Variants in RANBP17 observed in about 807,000 individuals in gnomAD.
The protein encoded by RANBP17 is ran-binding protein 17.
Under a neutral mutation model 141.2 loss-of-function variants are expected in RANBP17, and 158 were observed. The observed-to-expected ratio is 1.12, with a 90% CI of 0.98 to 1.28. RANBP17 has a LOEUF of 1.28. Among genes scored for constraint, RANBP17 ranks in the 50% most tolerant of loss-of-function variants. RANBP17 has a pLI of 0.00. For missense variants in RANBP17, 1,438 were observed against 1,290.7 expected, an observed-to-expected ratio of 1.11 and a Z score of -1.75; for synonymous variants, 430 against 450.0, an observed-to-expected ratio of 0.96 and a Z score of 0.56.
chr5:170,932,695 A>T (rs886976726), intron 12 of RANBP17, among the ~76,000 whole-genome samples: 4 of 152,072 alleles, frequency 2.6e-5, no homozygotes, highest in African/African-American at 9.7e-5. Context: ...GGCTCTGTTT[A>T]TATGCTGGAT....
chr5:171,165,299 A>G (rs1759614553), intron 14 of RANBP17, among the ~76,000 whole-genome samples: 1 of 151,876 alleles, frequency 6.6e-6, no homozygotes, highest in Admixed American at 6.6e-5. Context: ...CTCCTGTCTC[A>G]GCCTCCCAAG....
chr5:171,261,888 CT>C (rs1289767390), intron 24 of RANBP17, among the ~76,000 whole-genome samples: 1 of 152,320 alleles, frequency 6.6e-6, no homozygotes, highest in East Asian at 1.9e-4. Context: ...ACCATTCATT[CT>C]GTTTTTGACC....
chr5:170,870,817 A>T (rs2127322017), intron 1 of RANBP17, among the ~76,000 whole-genome samples: 1 of 152,294 alleles, frequency 6.6e-6, no homozygotes, highest in South Asian at 2.1e-4. Flanking sequence ...CAATGGTTGA[A>T]CTAATTTACA....
At chr5:171,129,781 G>A (rs897370351) in intron 14 of RANBP17, among the ~76,000 whole-genome samples, 5 of 152,096 alleles carry the variant, frequency 3.3e-5, no homozygotes, top group Non-Finnish European at 7.4e-5. Context: ...CTTTGTCCTA[G>A]ACTGACCCAG....
chr5:171,065,058 A>T (rs1784219341), intron 14 of RANBP17, among the ~76,000 whole-genome samples: 1 of 151,808 alleles, frequency 6.6e-6, no homozygotes, highest in Non-Finnish European at 1.5e-5. Flanking sequence ...ATAGTTAGGA[A>T]CCCTTTCCTT....
chr5:170,869,722 C>T (rs1254827265), intron 1 of RANBP17, among the ~76,000 whole-genome samples: 1 of 152,156 alleles, frequency 6.6e-6, no homozygotes, highest in African/African-American at 2.4e-5. Context: ...TTAGGGCGCA[C>T]TGTAAATCCA....
Position 171,117,305 on chromosome 5 carries a change from A to C in RANBP17, c.1711-52825A>C, listed in dbSNP as rs897128551. ...TTCCCACCAACAGTATATAAACAGT[A>C]TTTTGTCCACATTCCCACCAGCATT... On this transcript the variant is annotated intron_variant, in intron 14 of 27. Coordinates refer to ENST00000523189, the MANE Select transcript of RANBP17 (RefSeq NM_022897.5). Among the ~76,000 whole-genome samples the C allele has an allele frequency of 2.0e-5, 3 of 151,880 alleles. No homozygotes were observed. In the East Asian group the frequency reaches 5.8e-4, roughly 29 times the overall value.
intron 14 of RANBP17, among the ~76,000 whole-genome samples, chr5:171,110,732 G>A (rs899108266): frequency 5.3e-5 from 8 of 152,092 alleles, no homozygotes; most frequent in African/African-American, 9.7e-5. Context: ...TTGTAGAAAC[G>A]TGATGAGACA....
At chr5:171,051,237 CTTTA>C (rs1163599128) in intron 14 of RANBP17, among the ~76,000 whole-genome samples, 6 of 151,756 alleles carry the variant, frequency 4.0e-5, no homozygotes, top group African/African-American at 9.7e-5. Context: ...TTCCTTTTTT[CTTTA>C]TTTATTGTTG....
At chr5:170,885,688 G>A (rs1418686301) in intron 3 of RANBP17, among the ~76,000 whole-genome samples, 6 of 152,202 alleles carry the variant, frequency 3.9e-5, no homozygotes, top group Non-Finnish European at 7.4e-5. Flanking sequence ...GTACCTTGTG[G>A]TGTATTTGTC....
intron 14 of RANBP17, among the ~76,000 whole-genome samples, chr5:171,090,268 G>A (rs1786142264): frequency 6.6e-6 from 1 of 152,168 alleles, no homozygotes; most frequent in Non-Finnish European, 1.5e-5. Context: ...TTGGGAACTG[G>A]AGCAAAGGTG....
chr5:171,064,609 A>T (rs1246717333), intron 14 of RANBP17, among the ~76,000 whole-genome samples: 1 of 152,044 alleles, frequency 6.6e-6, no homozygotes, highest in Non-Finnish European at 1.5e-5. Context: ...TGATCCTCCC[A>T]CTTTAGCCTT....
In RANBP17 at chr5:170,914,153, A is replaced by T; in HGVS notation, c.761-14A>T. The T allele has an allele frequency of 1.3e-6, 2 of 1,554,978 alleles. No individual in the cohort carries two copies. The highest frequency in any genetic ancestry group is 1.1e-5 in the South Asian group (1 of 89,642). On this transcript the variant is annotated splice_polypyrimidine_tract_variant and intron_variant, in intron 7 of 27. Coordinates refer to ENST00000523189, the MANE Select transcript of RANBP17 (RefSeq NM_022897.5). ...TTGAAAGTAATGGTGTTAGAAAATA[A>T]TTTTTTTTCCCAGTTTTCCTGGAAC... is the stretch of plus-strand genomic sequence containing the variant.
intron 3 of RANBP17, among the ~76,000 whole-genome samples, chr5:170,890,128 T>C (rs891811862): frequency 2.0e-5 from 3 of 152,140 alleles, no homozygotes; most frequent in Non-Finnish European, 2.9e-5. Flanking sequence ...TTATTATTAT[T>C]TTGAGATTAC....
chr5:170,876,990 TA>T (rs1407384419), intron 1 of RANBP17, among the ~76,000 whole-genome samples: 1 of 152,204 alleles, frequency 6.6e-6, no homozygotes, highest in Non-Finnish European at 1.5e-5. Context: ...AAGACCTCTT[TA>T]ACAAAAAAAT....
chr5:171,020,868 C>T (rs1269958091), intron 14 of RANBP17, among the ~76,000 whole-genome samples: 2 of 152,124 alleles, frequency 1.3e-5, no homozygotes, highest in Non-Finnish European at 1.5e-5. Context: ...TTCATAGTGT[C>T]ATTGGTCTTT....
chr5:171,253,702 G>A (rs1222090480), intron 24 of RANBP17, among the ~76,000 whole-genome samples: 1 of 152,158 alleles, frequency 6.6e-6, no homozygotes, highest in East Asian at 1.9e-4. Context: ...CCATGATTCT[G>A]TCAGTAAATT....
intron 14 of RANBP17, among the ~76,000 whole-genome samples, chr5:171,096,613 A>C (rs1786711146): frequency 6.6e-6 from 1 of 152,172 alleles, no homozygotes; most frequent in South Asian, 2.1e-4. Flanking sequence ...CTGCCTACCA[A>C]AGGGTAAGAG....
At chr5:170,889,094 C>CAAAAATTAAT (rs1769395480) in intron 3 of RANBP17, among the ~76,000 whole-genome samples, 1 of 149,796 alleles carries the variant, frequency 6.7e-6, no homozygotes, top group Non-Finnish European at 1.5e-5. Flanking sequence ...GTTCCATGTT[C>CAAAAATTAAT]TCTTTCTCTC....
Sources: gnomAD v4.1 joint callset for allele counts (sites outside exome capture counted in the v4.1 genomes callset) on GRCh38, gnomAD v4.1.1 for gene constraint, MANE v1.5 for transcripts, NCBI Gene and HGNC (gene_info 2026-07-23, HGNC 2026-07-21) for gene names.